Variants in CCR3 observed in about 807,000 individuals in gnomAD.
The protein encoded by CCR3 is C-C motif chemokine receptor 3.
For missense variants in CCR3, 419 were observed against 437.5 expected, an observed-to-expected ratio of 0.96 and a Z score of 0.38; for synonymous variants, 203 against 179.2, an observed-to-expected ratio of 1.13 and a Z score of -1.06.
intron 2 of CCR3, among the ~76,000 whole-genome samples, chr3:46,237,420 T>C (rs557213997): frequency 6.6e-6 from 1 of 152,234 alleles, no homozygotes; most frequent in African/African-American, 2.4e-5. Flanking sequence ...TCCTTTGCTG[T>C]GCAGAAGCTT....
chr3:46,241,505 C>A (rs1051883729), upstream of CCR3, among the ~76,000 whole-genome samples: 1 of 152,226 alleles, frequency 6.6e-6, no homozygotes, highest in Admixed American at 6.5e-5. Context: ...GCTTATGTCA[C>A]AGTGGCATTC....
intron 1 of CCR3, among the ~76,000 whole-genome samples, chr3:46,255,787 G>A (rs1700410442): frequency 1.3e-5 from 2 of 151,956 alleles, no homozygotes; most frequent in African/African-American, 4.8e-5. Flanking sequence ...CATTCTGTTT[G>A]GGTGACTATG....
chr3:46,217,695 A>G (rs1699790851), intron 2 of CCR3, among the ~76,000 whole-genome samples: 1 of 152,126 alleles, frequency 6.6e-6, no homozygotes, highest in Admixed American at 6.6e-5. Flanking sequence ...TGGAAATTAA[A>G]TAATCTGCTC....
intron 2 of CCR3, among the ~76,000 whole-genome samples, chr3:46,217,798 C>G (rs150477849): frequency 6.6e-6 from 1 of 151,914 alleles, no homozygotes; most frequent in East Asian, 1.9e-4. Flanking sequence ...ATCAAAACCT[C>G]TGGGATACAG....
intron 1 of CCR3, among the ~76,000 whole-genome samples, chr3:46,253,709 G>A (rs1700362501): frequency 6.6e-6 from 1 of 152,116 alleles, no homozygotes; most frequent in Non-Finnish European, 1.5e-5. Context: ...GATTCTTTTG[G>A]AGTATTTTTG....
intron 2 of CCR3, among the ~76,000 whole-genome samples, chr3:46,228,585 T>G (rs1432119936): frequency 6.6e-6 from 1 of 152,214 alleles, no homozygotes; most frequent in African/African-American, 2.4e-5. Context: ...TGAAATCTGC[T>G]GGTGATATTC....
chr3:46,247,803 T>C (rs1447638518), intron 1 of CCR3, among the ~76,000 whole-genome samples: 1 of 152,162 alleles, frequency 6.6e-6, no homozygotes, highest in Admixed American at 6.5e-5. Context: ...TGAGTAAAGC[T>C]AATTTGCCAG....
At chr3:46,222,369 G>A (rs1354084424) in intron 2 of CCR3, among the ~76,000 whole-genome samples, 1 of 152,170 alleles carries the variant, frequency 6.6e-6, no homozygotes, top group Non-Finnish European at 1.5e-5. Flanking sequence ...CTGACAGGCA[G>A]CCTGGTTGCG....
intron 2 of CCR3, among the ~76,000 whole-genome samples, chr3:46,233,799 G>T (rs1699994126): frequency 6.6e-6 from 1 of 152,204 alleles, no homozygotes; most frequent in African/African-American, 2.4e-5. Flanking sequence ...TGGCTGAAGG[G>T]CAACAGGCAA....
At chr3:46,230,345 G>A (rs1699947677) in intron 2 of CCR3, among the ~76,000 whole-genome samples, 1 of 152,060 alleles carries the variant, frequency 6.6e-6, no homozygotes, top group Non-Finnish European at 1.5e-5. Context: ...TTTGGACATG[G>A]GCCTCTGGAG....
intron 2 of CCR3, among the ~76,000 whole-genome samples, chr3:46,217,181 C>G (rs191778503): frequency 6.6e-6 from 1 of 152,104 alleles, no homozygotes; most frequent in Non-Finnish European, 1.5e-5. Context: ...TCAGTCAAAA[C>G]AGACTTAAAA....
chr3:46,243,410 A>G (rs560578603), intron 1 of CCR3, among the ~76,000 whole-genome samples: 1 of 152,240 alleles, frequency 6.6e-6, no homozygotes, highest in African/African-American at 2.4e-5. Flanking sequence ...ATGTGTGGAA[A>G]TATATATATT....
intron 1 of CCR3, among the ~76,000 whole-genome samples, chr3:46,251,527 T>C (rs1415739739): frequency 6.6e-6 from 1 of 152,118 alleles, no homozygotes. Flanking sequence ...TAGGTGGATC[T>C]TTCTCACGGA....
chr3:46,254,489 TA>T (rs11453702), intron 1 of CCR3, among the ~76,000 whole-genome samples: 10 of 151,440 alleles, frequency 6.6e-5, no homozygotes, highest in Non-Finnish European at 1.5e-5. Context: ...AGTTCTTTTT[TA>T]AAAAAAAATC....
At chr3:46,253,915 T>C (rs1346797092) in intron 1 of CCR3, among the ~76,000 whole-genome samples, 1 of 151,804 alleles carries the variant, frequency 6.6e-6, no homozygotes, top group Non-Finnish European at 1.5e-5. Flanking sequence ...TTCCAAGATG[T>C]AAGGTTTAAA....
At chr3:46,257,486 A>G (rs1700451676) in intron 1 of CCR3, among the ~76,000 whole-genome samples, 1 of 147,662 alleles carries the variant, frequency 6.8e-6, no homozygotes, top group Admixed American at 6.9e-5. Flanking sequence ...CATTGAGAGT[A>G]AAGGAAGAGT....
At chr3:46,232,107 G>A (rs33998492) in intron 2 of CCR3, among the ~76,000 whole-genome samples, 8,884 of 151,834 alleles carry the variant, frequency 0.059, 406 homozygotes, top group South Asian at 0.22. Context: ...TTTCTTCATC[G>A]TCATATTTAT....
rs143960363 is a variant in CCR3, at chr3:46,260,352, A to G, written c.-11-4796A>G. On this transcript the variant is annotated intron_variant, in intron 1 of 1. Coordinates refer to ENST00000395940, the MANE Select transcript of CCR3 (RefSeq NM_178329.3). ...TCTTAACTCATTTCATCATTAACTC[A>G]AAAGTCCACAGTCCAACATCTCATC... Among the ~76,000 whole-genome samples the G allele has an allele frequency of 2.4e-3, 364 of 152,308 alleles. 7 individuals are homozygous for G. The highest frequency in any genetic ancestry group is 7.8e-3 in the African/African-American group (325 of 41,572).
At chr3:46,237,857 A>G (rs1002112194), upstream of CCR3, among the ~76,000 whole-genome samples, 1 of 152,216 alleles carries the variant, frequency 6.6e-6, no homozygotes, top group African/African-American at 2.4e-5. Context: ...ATCATTTGTT[A>G]TGAAGCTACA....
Sources: allele counts gnomAD v4.1 joint callset (sites outside exome capture counted in the v4.1 genomes callset), GRCh38; gene constraint gnomAD v4.1.1; transcripts MANE v1.5; gene names NCBI Gene and HGNC (gene_info 2026-07-23, HGNC 2026-07-21).